GNB4: variants seen among roughly 807,000 people sequenced by gnomAD.
GNB4 encodes G protein subunit beta 4.
GNB4 carries 28 observed loss-of-function variants against 45.2 expected under a neutral mutation model. The ratio of observed to expected loss-of-function variants is 0.62; its 90% CI spans 0.46 to 0.85. The LOEUF (loss-of-function observed/expected upper bound fraction) is 0.85, where lower values mean the gene tolerates loss of function less well. Ranked by LOEUF, GNB4 falls within the 40% of genes least tolerant of loss-of-function variation. The pLI is 0.00. For synonymous variants in GNB4, 132 were observed against 143.7 expected (o/e 0.92, Z 0.58); for missense variants, 321 against 425.4 (o/e 0.75, Z 2.16).
chr3:179,407,880 T>C (rs1453163426), intron 8 of GNB4, among the ~76,000 whole-genome samples: 1 of 152,206 alleles, frequency 6.6e-6, no homozygotes, highest in Non-Finnish European at 1.5e-5. Context: ...AACCTCATTA[T>C]ACACCGGAAA....
intron 1 of GNB4, among the ~76,000 whole-genome samples, chr3:179,449,104 G>T (rs781418793): frequency 1.3e-5 from 2 of 152,182 alleles, no homozygotes; most frequent in Non-Finnish European, 2.9e-5. Context: ...ATATCCTCTA[G>T]TTTAATTTGA....
chr3:179,525,822 T>C, the GNB4 span, among the ~76,000 whole-genome samples: 1 of 152,164 alleles, frequency 6.6e-6, no homozygotes, highest in African/African-American at 2.4e-5. Context: ...CTTACCTGAT[T>C]TGAAATTGGT....
chr3:179,425,751 A>T (rs566846812), intron 2 of GNB4, among the ~76,000 whole-genome samples: 1 of 152,198 alleles, frequency 6.6e-6, no homozygotes, highest in South Asian at 2.1e-4. Context: ...GATTACAGGC[A>T]TGAGCCACTG....
chr3:179,492,442 C>T, the GNB4 span, among the ~76,000 whole-genome samples: 1 of 152,176 alleles, frequency 6.6e-6, no homozygotes, highest in South Asian at 2.1e-4. Context: ...CTCCACCACC[C>T]CCAGAGTCAT....
At chr3:179,472,658 C>T in the GNB4 span, among the ~76,000 whole-genome samples, 2 of 152,102 alleles carry the variant, frequency 1.3e-5, no homozygotes, top group Non-Finnish European at 2.9e-5. Context: ...GTCACCACAC[C>T]AGGCCATGAA....
At chr3:179,520,274 G>T in the GNB4 span, among the ~76,000 whole-genome samples, 4 of 151,634 alleles carry the variant, frequency 2.6e-5, no homozygotes, top group Middle Eastern at 3.4e-3. Flanking sequence ...TTCTTCCTCA[G>T]CTGTTACCTA....
chr3:179,469,814 G>A, the GNB4 span, among the ~76,000 whole-genome samples: 2 of 152,150 alleles, frequency 1.3e-5, no homozygotes, highest in African/African-American at 2.4e-5. Context: ...GGCTAATGCA[G>A]TTTTAGAAAA....
At chr3:179,432,291 T>TC (rs1715330361) in intron 1 of GNB4, among the ~76,000 whole-genome samples, 1 of 152,156 alleles carries the variant, frequency 6.6e-6, no homozygotes, top group South Asian at 2.1e-4. Context: ...TGCCCTTTTT[T>TC]CCCCTTTCCT....
At chr3:179,453,725 C>CA (rs1577044644), upstream of GNB4, among the ~76,000 whole-genome samples, 1 of 151,096 alleles carries the variant, frequency 6.6e-6, no homozygotes, top group East Asian at 1.9e-4. Flanking sequence ...TTAATGTAGA[C>CA]AAAGAAATTA....
Position 179,413,565 on chromosome 3 carries a change from C to T in GNB4, c.546G>A (p.Gly182=), listed in dbSNP as rs1454488263. Residue 182 remains glycine (G), a synonymous_variant, in exon 8 of 10, where the codon GGG becomes GGA. Transcript: ENST00000232564. The stretch of plus-strand genomic sequence containing the variant: ...AAAGACTCATCACATCTCCAGAATG[C>T]CCAGTGAATGTGGTGGTCTGCTGGG... ...ETAQQTTTFT[G]HSGDVMSLSL... is the part of the protein sequence containing the mutation. 1 of 1,614,164 alleles carries T rather than the reference C, an allele frequency of 6.2e-7. No homozygotes were observed. The highest frequency in any genetic ancestry group is 1.1e-5 in the South Asian group (1 of 91,080).
At chr3:179,465,184 T>C in the GNB4 span, 1 of 1,304,518 alleles carries the variant, frequency 7.7e-7, no homozygotes, top group Admixed American at 1.7e-5. Context: ...ATAGAGTTCA[T>C]GATCCTGTAA....
chr3:179,498,749 G>GT, the GNB4 span, among the ~76,000 whole-genome samples: 3,652 of 130,724 alleles, frequency 0.028, 98 homozygotes, highest in Non-Finnish European at 0.042. Context: ...TTGAGGTTTG[G>GT]TTTTTTTTTT....
the GNB4 span, chr3:179,465,283 C>G: frequency 2.7e-6 from 4 of 1,487,944 alleles, no homozygotes; most frequent in Non-Finnish European, 2.8e-6. Flanking sequence ...GAGGTGTTGG[C>G]CCCATGACAG....
At chr3:179,487,852 C>G in the GNB4 span, among the ~76,000 whole-genome samples, 1 of 152,030 alleles carries the variant, frequency 6.6e-6, no homozygotes, top group African/African-American at 2.4e-5. Flanking sequence ...GGATTTGAGA[C>G]CAGCCTGCCC....
At chr3:179,404,418 A>C (rs1714402330) in intron 9 of GNB4, among the ~76,000 whole-genome samples, 1 of 152,136 alleles carries the variant, frequency 6.6e-6, no homozygotes, top group East Asian at 1.9e-4. Context: ...ATTTAGAGAT[A>C]TGTAAGTAAG....
At chr3:179,455,067 C>T (rs1226537484), upstream of GNB4, among the ~76,000 whole-genome samples, 1 of 152,190 alleles carries the variant, frequency 6.6e-6, no homozygotes, top group African/African-American at 2.4e-5. Flanking sequence ...GTCACCTTTG[C>T]TGTACTCCTC....
At chr3:179,439,479 C>T (rs1257602865) in intron 1 of GNB4, among the ~76,000 whole-genome samples, 7 of 152,240 alleles carry the variant, frequency 4.6e-5, no homozygotes, top group Admixed American at 3.9e-4. Context: ...AGCTACACAC[C>T]TCCCTCACAC....
intron 1 of GNB4, among the ~76,000 whole-genome samples, chr3:179,430,450 G>A (rs1715277556): frequency 1.3e-5 from 2 of 151,344 alleles, no homozygotes; most frequent in Non-Finnish European, 2.9e-5. Flanking sequence ...TTCCTCCACT[G>A]GTGATTCATT....
the GNB4 span, among the ~76,000 whole-genome samples, chr3:179,461,165 C>T: frequency 6.6e-6 from 1 of 152,132 alleles, no homozygotes; most frequent in African/African-American, 2.4e-5. Context: ...CTTCTTGCCA[C>T]CTTAGCGACT....
Sources: allele counts gnomAD v4.1 joint callset (sites outside exome capture counted in the v4.1 genomes callset), GRCh38; gene constraint gnomAD v4.1.1; transcripts MANE v1.5; gene names NCBI Gene and HGNC (gene_info 2026-07-23, HGNC 2026-07-21).